Variants in PID1 observed in about 807,000 individuals in gnomAD.
PID1 encodes phosphotyrosine interaction domain containing 1, also known as PTB-containing, cubilin and LRP1-interacting protein.
Under a neutral mutation model 19.1 loss-of-function variants are expected in PID1, and 10 were observed. The observed-to-expected ratio is 0.52, with a 90% CI of 0.32 to 0.89. The LOEUF is 0.89. Ranked by LOEUF, PID1 falls within the 40% of genes least tolerant of loss-of-function variation. The pLI is 0.03. For missense variants in PID1, 248 were observed against 285.3 expected (o/e 0.87, Z 0.94); for synonymous variants, 130 against 116.0 (o/e 1.12, Z -0.78).
At chr2:229,267,523 T>G (rs10186004) in intron 1 of PID1, among the ~76,000 whole-genome samples, 16,565 of 152,246 alleles carry the variant, frequency 0.11, 1,099 homozygotes, top group Middle Eastern at 0.21. Context: ...CACATTCCAC[T>G]CTATCCTAGT....
At chr2:229,163,684 T>TGTGCGCGCGCATGTGC (rs1553570277) in intron 1 of PID1, among the ~76,000 whole-genome samples, 15 of 78,128 alleles carry the variant, frequency 1.9e-4, no homozygotes, top group African/African-American at 5.7e-4. Flanking sequence ...TGCGTGTGCG[T>TGTGCGCGCGCATGTGC]GTGTGTGTGT....
At chr2:229,177,379 C>T (rs1239898730) in intron 1 of PID1, among the ~76,000 whole-genome samples, 1 of 152,138 alleles carries the variant, frequency 6.6e-6, no homozygotes, top group Non-Finnish European at 1.5e-5. Flanking sequence ...TAGCCCAGGT[C>T]CCAACATCAG....
intron 2 of PID1, among the ~76,000 whole-genome samples, chr2:229,071,303 G>A (rs1030127638): frequency 6.6e-6 from 1 of 152,130 alleles, no homozygotes; most frequent in African/African-American, 2.4e-5. Context: ...GTAACATAAC[G>A]TTTAAATAAT....
At chr2:229,250,102 G>T (rs1332108567) in intron 1 of PID1, among the ~76,000 whole-genome samples, 1 of 152,174 alleles carries the variant, frequency 6.6e-6, no homozygotes, top group Non-Finnish European at 1.5e-5. Flanking sequence ...TGATATTTGA[G>T]TTAATTTGGC....
In PID1 at chr2:229,198,988, C is replaced by T. The variant is rs115701842; in HGVS notation, c.31-43024G>A. Among the ~76,000 whole-genome samples the T allele has an allele frequency of 3.0e-3, 463 of 152,160 alleles. 4 individuals carry two copies. The highest frequency in any genetic ancestry group is 0.011 in the African/African-American group (438 of 41,544). ...ACTCATGGGATAATATCCCAAACTCCGTACCATGGCTAACAAGGTCTAACT... is the reference window on the plus strand; with the variant it reads ...ACTCATGGGATAATATCCCAAACTCTGTACCATGGCTAACAAGGTCTAACT... On this transcript the variant is annotated intron_variant, in intron 1 of 2. Transcript: ENST00000392055.
At chr2:229,083,927 A>T (rs1694715068) in intron 2 of PID1, among the ~76,000 whole-genome samples, 1 of 152,234 alleles carries the variant, frequency 6.6e-6, no homozygotes, top group African/African-American at 2.4e-5. Context: ...AAGGAGTTCA[A>T]TGGCTCCCAG....
chr2:229,026,918 TTTCA>T (rs751762378), intron 2 of PID1, among the ~76,000 whole-genome samples: 5 of 152,252 alleles, frequency 3.3e-5, no homozygotes, highest in Non-Finnish European at 5.9e-5. Context: ...ATTTTCATCC[TTTCA>T]TTGTTTTATT....
intron 1 of PID1, among the ~76,000 whole-genome samples, chr2:229,235,931 T>G (rs1692318195): frequency 6.6e-6 from 1 of 152,182 alleles, no homozygotes; most frequent in Admixed American, 6.5e-5. Context: ...AAGCAGCTTG[T>G]GGCAAAGTTG....
chr2:229,141,684 T>C (rs192527566), intron 2 of PID1, among the ~76,000 whole-genome samples: 4 of 152,168 alleles, frequency 2.6e-5, no homozygotes, highest in Admixed American at 1.3e-4. Flanking sequence ...GCTTACAGGG[T>C]AACTTTCCTG....
At chr2:229,181,300 A>T (rs1347811808) in intron 1 of PID1, among the ~76,000 whole-genome samples, 1 of 152,218 alleles carries the variant, frequency 6.6e-6, no homozygotes, top group Admixed American at 6.5e-5. Flanking sequence ...GGCAGAAAGC[A>T]GACGTTGTAT....
intron 2 of PID1, among the ~76,000 whole-genome samples, chr2:229,109,413 G>A (rs1161536964): frequency 2.0e-5 from 3 of 152,158 alleles, no homozygotes; most frequent in Non-Finnish European, 2.9e-5. Flanking sequence ...TCAGTCACAC[G>A]CTAGTCGGCA....
chr2:229,206,885 GA>G (rs1375955851), intron 1 of PID1, among the ~76,000 whole-genome samples: 1 of 152,130 alleles, frequency 6.6e-6, no homozygotes, highest in Non-Finnish European at 1.5e-5. Flanking sequence ...ATCACCGAGG[GA>G]TTTTGTTAGA....
At chr2:229,127,492 T>C (rs752747392) in intron 2 of PID1, among the ~76,000 whole-genome samples, 1 of 152,156 alleles carries the variant, frequency 6.6e-6, no homozygotes, top group Non-Finnish European at 1.5e-5. Context: ...GAAGGTGATA[T>C]TCTGAGTAGA....
chr2:229,135,636 T>C (rs1022918428), intron 2 of PID1, among the ~76,000 whole-genome samples: 1 of 152,124 alleles, frequency 6.6e-6, no homozygotes, highest in Admixed American at 6.5e-5. Flanking sequence ...CCTGAGGCTA[T>C]AGAAAAACCA....
intron 1 of PID1, among the ~76,000 whole-genome samples, chr2:229,199,641 T>C (rs376690311): frequency 6.6e-6 from 1 of 151,228 alleles, no homozygotes; most frequent in East Asian, 1.9e-4. Flanking sequence ...ATAAACTATC[T>C]CCATGATTGC....
chr2:229,262,689 G>A (rs1242128811), intron 1 of PID1: 19 of 1,551,026 alleles, frequency 1.2e-5, no homozygotes, highest in South Asian at 6.0e-5. Flanking sequence ...TCACCATTTC[G>A]GAGGCTGGAA....
chr2:229,100,845 C>A (rs1695059660), intron 2 of PID1, among the ~76,000 whole-genome samples: 1 of 152,206 alleles, frequency 6.6e-6, no homozygotes, highest in Non-Finnish European at 1.5e-5. Flanking sequence ...CTGCTCTTAC[C>A]TACACCTGGA....
chr2:229,100,882 C>G (rs114369382), intron 2 of PID1, among the ~76,000 whole-genome samples: 11 of 152,220 alleles, frequency 7.2e-5, no homozygotes, highest in Non-Finnish European at 1.6e-4. Context: ...GGAAATCTGA[C>G]ATCACAGCAT....
intron 2 of PID1, among the ~76,000 whole-genome samples, chr2:229,056,627 A>ATATATG (rs1238702678): frequency 6.7e-6 from 1 of 150,132 alleles, no homozygotes; most frequent in Non-Finnish European, 1.5e-5. Flanking sequence ...ATATATATAT[A>ATATATG]TTTCTCTTTG....
Sources: gnomAD v4.1 joint callset for allele counts (sites outside exome capture counted in the v4.1 genomes callset) on GRCh38, gnomAD v4.1.1 for gene constraint, MANE v1.5 for transcripts, NCBI Gene and HGNC (gene_info 2026-07-23, HGNC 2026-07-21) for gene names.